Variants in RTN1 observed in about 807,000 individuals in gnomAD.
RTN1 encodes the protein reticulon 1, also known as reticulon-1.
RTN1 carries 25 observed loss-of-function variants against 65.5 expected under a neutral mutation model. The ratio of observed to expected loss-of-function variants is 0.38; its 90% confidence interval spans 0.28 to 0.53. RTN1 has a LOEUF of 0.53. RTN1 is among the 20% of genes least tolerant of loss of function. The probability of loss-of-function intolerance (pLI) is 0.79; values close to 1 mark genes in which losing one functional copy is unlikely to be tolerated. For missense variants in RTN1, 983 were observed against 1,025.4 expected, an observed-to-expected ratio of 0.96 and a Z score of 0.57; for synonymous variants, 471 against 447.6, an observed-to-expected ratio of 1.05 and a Z score of -0.66.
chr14:59,612,916 T>C (rs1462968394), intron 3 of RTN1, among the ~76,000 whole-genome samples: 1 of 152,240 alleles, frequency 6.6e-6, no homozygotes, highest in African/African-American at 2.4e-5. Flanking sequence ...GCTGTATAGC[T>C]CAGTAGCTAC....
intron 1 of RTN1, among the ~76,000 whole-genome samples, chr14:59,755,023 G>T (rs577194381): frequency 1.3e-5 from 2 of 152,250 alleles, no homozygotes; most frequent in East Asian, 3.9e-4. Context: ...GAATGAGAGG[G>T]TTAAGTGCCT....
chr14:59,735,666 T>C (rs998965591), intron 2 of RTN1, among the ~76,000 whole-genome samples: 2 of 152,164 alleles, frequency 1.3e-5, no homozygotes, highest in African/African-American at 4.8e-5. Flanking sequence ...GGTAAAGGAT[T>C]CAATTCAACA....
At position 59,803,825 on chromosome 14, in the gene RTN1, G is replaced by A. The variant is rs577168127; in HGVS notation, c.242-57344C>T. 2.0e-5 allele frequency among the ~76,000 whole-genome samples: 3 copies of A among 152,314 alleles called. No individual in the cohort carries two copies. Among genetic ancestry groups the A allele is most frequent in the African/African-American group, 7.2e-5 (3 of 41,574 alleles). On this transcript the variant is annotated intron_variant, in intron 1 of 8. Coordinates refer to ENST00000267484, the MANE Select transcript of RTN1 (RefSeq NM_021136.3). The surrounding 1 kb of genome is among the most constrained non-coding windows in gnomAD (Gnocchi z 5.6). Reference sequence around the variant, plus strand: ...TCAACTTGAAGATTCAGAAACCTGAGGCCACAGTATCCTATACTTAATTGT... The same window carrying A: ...TCAACTTGAAGATTCAGAAACCTGAAGCCACAGTATCCTATACTTAATTGT...
Position 59,745,855 on chromosome 14 carries a change from G to T in RTN1, c.868C>A (p.Pro290Thr). The change falls in exon 2 of 9, where the codon CCT becomes ACT. Residue 290 changes from proline to threonine, a missense_variant. Physicochemically the swap from Pro to Thr is conservative, Grantham distance 38 (BLOSUM62 -1). Transcript: ENST00000267484. ...PVKITLTEIE[P>T]SVETTTQEKT... The stretch of plus-strand genomic sequence containing the variant: ...TCTTGGGTAGTGGTTTCAACAGAAG[G>T]TTCTATTTCCGTCAGTGTGATTTTG... 6.2e-7 allele frequency: 1 copy of T among 1,614,084 alleles called. No homozygotes were observed. Among genetic ancestry groups the T allele is most frequent in the Non-Finnish European group, 8.5e-7 (1 of 1,180,012 alleles).
intron 1 of RTN1, among the ~76,000 whole-genome samples, chr14:59,786,752 T>C (rs1886256820): frequency 6.6e-6 from 1 of 152,204 alleles, no homozygotes; most frequent in African/African-American, 2.4e-5. Flanking sequence ...CATGTCATCA[T>C]TGGCATAAAC....
chr14:59,858,540 T>C (rs1407693476), intron 1 of RTN1, among the ~76,000 whole-genome samples: 1 of 151,400 alleles, frequency 6.6e-6, no homozygotes, highest in Non-Finnish European at 1.5e-5. Flanking sequence ...TTTTGGAGAA[T>C]GTGAGCGTCA....
intron 1 of RTN1, among the ~76,000 whole-genome samples, chr14:59,748,699 T>C (rs1172984257): frequency 6.6e-6 from 1 of 152,124 alleles, no homozygotes; most frequent in Admixed American, 6.6e-5. Flanking sequence ...GGCAGGAATT[T>C]CTGACTATTT....
chr14:59,750,223 A>G (rs1342541855), intron 1 of RTN1, among the ~76,000 whole-genome samples: 1 of 48,896 alleles, frequency 2.0e-5, no homozygotes, highest in Non-Finnish European at 3.3e-5. Context: ...TATATATTAT[A>G]TCTATAATAT....
chr14:59,736,302 A>G (rs992847034), intron 2 of RTN1, among the ~76,000 whole-genome samples: 1 of 152,162 alleles, frequency 6.6e-6, no homozygotes, highest in African/African-American at 2.4e-5. Flanking sequence ...AGAAGAAAAG[A>G]GAAGAATCAA....
Position 59,749,214 on chromosome 14 carries a change from ATATATC to A in RTN1, c.242-2739_242-2734del, listed in dbSNP as rs1281109585. Among the ~76,000 whole-genome samples the A allele has an allele frequency of 3.1e-3, 274 of 89,174 alleles. 52 individuals are homozygous for A. The highest frequency in any genetic ancestry group is 0.021 in the African/African-American group (253 of 12,094). 58.5% of individuals were successfully genotyped at this position (89,174 alleles called of 152,430 possible). ...TATATATATCTATATATATATCTATATATATCTATATATCTATATATATCTATATAT... is the reference window on the plus strand; with the variant it reads ...TATATATATCTATATATATATCTATATATATATCTATATATATCTATATAT... On this transcript the variant is annotated intron_variant, in intron 1 of 8. Coordinates refer to ENST00000267484, the MANE Select transcript of RTN1 (RefSeq NM_021136.3).
chr14:59,741,587 G>T (rs1220832711), intron 2 of RTN1, among the ~76,000 whole-genome samples: 1 of 152,122 alleles, frequency 6.6e-6, no homozygotes, highest in African/African-American at 2.4e-5. Flanking sequence ...ATAAATAGAT[G>T]AAAGAATAAA....
At chr14:59,827,793 C>G (rs546181679) in intron 1 of RTN1, among the ~76,000 whole-genome samples, 36 of 152,338 alleles carry the variant, frequency 2.4e-4, no homozygotes, top group Non-Finnish European at 2.9e-4. Flanking sequence ...ATATTCTTAT[C>G]TACCCTTTGT....
chr14:59,846,761 T>C lies in RTN1; in HGVS notation c.241+23629A>G, dbSNP rs763879826. Among the ~76,000 whole-genome samples, 1 of 152,174 alleles carries C rather than the reference T, an allele frequency of 6.6e-6. No individual in the cohort carries two copies. Among genetic ancestry groups the C allele is most frequent in the Non-Finnish European group, 1.5e-5 (1 of 68,044 alleles). On this transcript the variant is annotated intron_variant, in intron 1 of 8. Transcript: ENST00000267484. This position sits in a 1 kb window ranked among gnomAD's most constrained non-coding sequence, Gnocchi z 4.8. Reference sequence around the variant, plus strand: ...TGTGTAGTCTGGCTCCAAGTGCCCCTTGGTTCGTAGCCAGGTGTCCGCATA... The same window carrying C: ...TGTGTAGTCTGGCTCCAAGTGCCCCCTGGTTCGTAGCCAGGTGTCCGCATA...
At chr14:59,685,888 G>A (rs2140224748) in intron 3 of RTN1, among the ~76,000 whole-genome samples, 1 of 152,266 alleles carries the variant, frequency 6.6e-6, no homozygotes, top group African/African-American at 2.4e-5. Context: ...TAACAAAGCT[G>A]GAGGCATCAC....
chr14:59,695,504 T>G (rs1473730634), intron 3 of RTN1, among the ~76,000 whole-genome samples: 1 of 152,162 alleles, frequency 6.6e-6, no homozygotes, highest in Non-Finnish European at 1.5e-5. Context: ...GGGCTGCTCC[T>G]TTAGCCTGGG....
intron 1 of RTN1, among the ~76,000 whole-genome samples, chr14:59,818,167 C>T (rs1886856169): frequency 6.6e-6 from 1 of 152,194 alleles, no homozygotes; most frequent in African/African-American, 2.4e-5. Context: ...TAATAGCCTC[C>T]AGCTGCATCC....
intron 8 of RTN1, 60 bp downstream of exon 8, chr14:59,603,005 T>A: frequency 1.5e-6 from 2 of 1,358,612 alleles, no homozygotes; most frequent in Non-Finnish European, 2.1e-6. Flanking sequence ...CCTATCCTAA[T>A]CCACTCAAAT....
At chr14:59,824,921 T>C (rs1446094380) in intron 1 of RTN1, among the ~76,000 whole-genome samples, 1 of 152,202 alleles carries the variant, frequency 6.6e-6, no homozygotes, top group Non-Finnish European at 1.5e-5. Context: ...TTCACTTATA[T>C]GTAGAATCTT....
rs192504916 is a variant in RTN1, at chr14:59,818,976, T to C, written c.241+51414A>G. Among the ~76,000 whole-genome samples the C allele has an allele frequency of 9.7e-3, 1,474 of 152,244 alleles. 8 individuals carry two copies. The highest frequency in any genetic ancestry group is 0.014 in the Non-Finnish European group (957 of 68,010). On this transcript the variant is annotated intron_variant, in intron 1 of 8. Transcript: ENST00000267484. ...CTCTTAAAGGCAGCGCGTCTGGAATTGTCCGTTCCTTCCAGTGGGTTCGTG... is the reference window on the plus strand; with the variant it reads ...CTCTTAAAGGCAGCGCGTCTGGAATCGTCCGTTCCTTCCAGTGGGTTCGTG...
Sources: gnomAD v4.1 joint callset for allele counts (sites outside exome capture counted in the v4.1 genomes callset) on GRCh38, gnomAD v4.1.1 for gene constraint, Gnocchi (gnomAD v3.1) non-coding constraint, MANE v1.5 for transcripts, NCBI Gene and HGNC (gene_info 2026-07-23, HGNC 2026-07-21) for gene names.